The following EPHA6 variants were observed in gnomAD, a reference collection of about 807,000 sequenced individuals.
EPHA6 encodes the protein ephrin type-A receptor 6.
Under a neutral mutation model 112.0 loss-of-function variants are expected in EPHA6, and 50 were observed. That is an observed-to-expected ratio of 0.45 (90% confidence interval 0.36 to 0.56). EPHA6 has a LOEUF of 0.56. Among genes scored for constraint, EPHA6 ranks in the 20% least tolerant of loss-of-function variants. The probability of loss-of-function intolerance (pLI) is 0.00; values close to 1 mark genes in which losing one functional copy is unlikely to be tolerated. For synonymous variants in EPHA6, 529 were observed against 490.7 expected (o/e 1.08, Z -1.03); for missense variants, 1,280 against 1,417.4 (o/e 0.90, Z 1.56).
intron 14 of EPHA6, among the ~76,000 whole-genome samples, chr3:97,641,678 C>T (rs867580557): frequency 5.3e-5 from 8 of 152,186 alleles, no homozygotes; most frequent in Admixed American, 2.0e-4. Flanking sequence ...AAAGGGGTGA[C>T]GGACGCACCT....
chr3:97,181,952 G>A (rs573468319), intron 3 of EPHA6, among the ~76,000 whole-genome samples: 2 of 151,894 alleles, frequency 1.3e-5, no homozygotes. Flanking sequence ...TCTGGGAGCC[G>A]ACACTTGGCA....
chr3:97,536,605 G>A (rs1190321286), intron 11 of EPHA6, among the ~76,000 whole-genome samples: 1 of 152,146 alleles, frequency 6.6e-6, no homozygotes, highest in Admixed American at 6.6e-5. Flanking sequence ...AATATTGTGG[G>A]TTCCTTCTGG....
intron 5 of EPHA6, among the ~76,000 whole-genome samples, chr3:97,395,282 A>G (rs1577226585): frequency 6.6e-6 from 1 of 151,872 alleles, no homozygotes; most frequent in East Asian, 1.9e-4. Context: ...ACAAGAAAAA[A>G]ACATAAAAAC....
chr3:97,303,353 A>G (rs568217183), intron 5 of EPHA6, among the ~76,000 whole-genome samples: 1 of 152,158 alleles, frequency 6.6e-6, no homozygotes, highest in African/African-American at 2.4e-5. Context: ...AAAACTCAGC[A>G]TTTCAGTTTT....
intron 4 of EPHA6, among the ~76,000 whole-genome samples, chr3:97,237,091 G>A (rs72924442): frequency 0.013 from 1,914 of 151,880 alleles, 44 homozygotes; most frequent in African/African-American, 0.042. Flanking sequence ...GATTGTTTAG[G>A]TGACTCATTG....
chr3:97,518,155 G>T (rs925229153), intron 10 of EPHA6, among the ~76,000 whole-genome samples: 1 of 152,050 alleles, frequency 6.6e-6, no homozygotes, highest in African/African-American at 2.4e-5. Context: ...TTATCTTGAG[G>T]AACCTCCATA....
chr3:97,350,093 T>C (rs9860557), intron 5 of EPHA6, among the ~76,000 whole-genome samples: 2,445 of 152,116 alleles, frequency 0.016, 80 homozygotes, highest in African/African-American at 0.056. Context: ...AGACATAGCA[T>C]TGGAGAAAGA....
intron 1 of EPHA6, among the ~76,000 whole-genome samples, chr3:96,836,405 C>A (rs1034999057): frequency 2.6e-5 from 4 of 152,038 alleles, no homozygotes; most frequent in Admixed American, 2.0e-4. Context: ...ACAGTTTCCT[C>A]CTTGGTAAAG....
At chr3:97,188,187 A>T (rs2077206299) in intron 3 of EPHA6, among the ~76,000 whole-genome samples, 1 of 152,140 alleles carries the variant, frequency 6.6e-6, no homozygotes, top group African/African-American at 2.4e-5. Flanking sequence ...CATTATTTTT[A>T]ATTGCAAATA....
At chr3:97,580,223 C>T (rs1008995796) in intron 11 of EPHA6, among the ~76,000 whole-genome samples, 18 of 152,198 alleles carry the variant, frequency 1.2e-4, no homozygotes, top group Admixed American at 9.8e-4. Flanking sequence ...ACATATATCA[C>T]ATCAGAAGCT....
intron 4 of EPHA6, among the ~76,000 whole-genome samples, chr3:97,226,948 C>T (rs2108545554): frequency 6.6e-6 from 1 of 152,130 alleles, no homozygotes; most frequent in African/African-American, 2.4e-5. Context: ...ACTTTCTCTC[C>T]AATATTTTTG....
intron 5 of EPHA6, among the ~76,000 whole-genome samples, chr3:97,286,509 A>C (rs1306198980): frequency 6.6e-6 from 1 of 152,110 alleles, no homozygotes; most frequent in South Asian, 2.1e-4. Flanking sequence ...TCCCCAGTGT[A>C]TGTTCCTGGC....
intron 16 of EPHA6, among the ~76,000 whole-genome samples, chr3:97,738,154 A>G (rs1267378230): frequency 6.2e-4 from 9 of 14,440 alleles, no homozygotes; most frequent in Admixed American, 5.7e-3. Flanking sequence ...AATACATAAT[A>G]CCAATTTTTT....
At chr3:97,045,235 A>C (rs911193712) in intron 3 of EPHA6, among the ~76,000 whole-genome samples, 11 of 152,012 alleles carry the variant, frequency 7.2e-5, no homozygotes, top group African/African-American at 2.4e-4. Context: ...TCTTTCTCAA[A>C]TCTAGCATGT....
At chr3:97,070,216 G>A (rs1411878890) in intron 3 of EPHA6, among the ~76,000 whole-genome samples, 1 of 152,026 alleles carries the variant, frequency 6.6e-6, no homozygotes, top group Non-Finnish European at 1.5e-5. Context: ...TTATTTGTTA[G>A]TTTATTATTT....
chr3:97,646,343 A>T, intron 14 of EPHA6: 1 of 1,412,354 alleles, frequency 7.1e-7, no homozygotes, highest in Non-Finnish European at 9.4e-7. Context: ...TAAAAATCCT[A>T]TACATGTAAT....
rs1576009808 is a variant in EPHA6 at position 96,911,899 on chromosome 3, T to A, written c.450+45010T>A. ...ATTTTTGATACTATTTTTCTAAAAT[T>A]GTTTGCTTTTTTTTACCTTCTATTA... On this transcript the variant is annotated intron_variant, in intron 2 of 17. Coordinates refer to ENST00000389672, the MANE Select transcript of EPHA6 (RefSeq NM_001080448.3). Among the ~76,000 whole-genome samples the A allele has an allele frequency of 5.3e-5, 8 of 152,152 alleles. 3 individuals carry two copies. Among genetic ancestry groups the A allele is most frequent in the Admixed American group, 5.2e-4 (8 of 15,270 alleles).
chr3:97,034,063 T>C (rs1305797880), intron 3 of EPHA6, among the ~76,000 whole-genome samples: 1 of 151,966 alleles, frequency 6.6e-6, no homozygotes, highest in Non-Finnish European at 1.5e-5. Context: ...TGTGTCACAT[T>C]ATAAAATATA....
chr3:97,633,450 A>T (rs2093920589), intron 13 of EPHA6, among the ~76,000 whole-genome samples: 1 of 152,094 alleles, frequency 6.6e-6, no homozygotes, highest in Admixed American at 6.6e-5. Flanking sequence ...AATCTTCAGT[A>T]AGAAGCCCCA....
Sources: gnomAD v4.1 joint callset for allele counts (sites outside exome capture counted in the v4.1 genomes callset) on GRCh38, gnomAD v4.1.1 for gene constraint, MANE v1.5 for transcripts, NCBI Gene and HGNC (gene_info 2026-07-23, HGNC 2026-07-21) for gene names.